GBE1: variants seen among roughly 807,000 people sequenced by gnomAD.
GBE1 encodes 1,4-alpha-glucan branching enzyme 1, also known as 1,4-alpha-glucan-branching enzyme.
GBE1 carries 70 observed loss-of-function variants against 88.8 expected under a neutral mutation model. The ratio of observed to expected loss-of-function variants is 0.79; its 90% CI spans 0.65 to 0.96. The LOEUF (loss-of-function observed/expected upper bound fraction) is 0.96. GBE1 is among the 40% of genes least tolerant of loss of function. The pLI is 0.00. For missense variants in GBE1, 872 were observed against 871.0 expected, an observed-to-expected ratio of 1.00 and a Z score of -0.01; for synonymous variants, 284 against 300.1, an observed-to-expected ratio of 0.95 and a Z score of 0.56.
Position 81,509,294 on chromosome 3 carries a change from C to CT in GBE1, c.1935-10068dup, listed in dbSNP as rs34753672. Among the ~76,000 whole-genome samples the CT allele has an allele frequency of 6.8e-3, 845 of 123,780 alleles. 1 individual carries two copies. Among genetic ancestry groups the CT allele is most frequent in the Middle Eastern group, 0.013 (3 of 238 alleles). The allele number at this position is 123,780 out of a possible 152,430, so 81.2% of individuals were successfully genotyped here. On this transcript the variant is annotated intron_variant, in intron 14 of 15. Transcript: ENST00000429644. The stretch of plus-strand genomic sequence containing the variant: ...TCTTTTTTTAAATTTTAGGGTTTGT[C>CT]TTTTTTTTTTTTTTTTTATAAAAAA...
At chr3:81,519,764 A>G (rs1702847978) in intron 14 of GBE1, among the ~76,000 whole-genome samples, 1 of 151,454 alleles carries the variant, frequency 6.6e-6, no homozygotes, top group Admixed American at 6.6e-5. Context: ...CTTCTTGTGG[A>G]AGATGGCAAA....
chr3:81,619,101 C>G (rs1386009784), intron 7 of GBE1, among the ~76,000 whole-genome samples: 3 of 152,050 alleles, frequency 2.0e-5, no homozygotes, highest in Non-Finnish European at 4.4e-5. Context: ...AACGGTATCT[C>G]TGGTAAAATC....
intron 3 of GBE1, 134 bp from the exon 4 acceptor site, chr3:81,650,055 A>T: frequency 1.7e-6 from 1 of 605,400 alleles, no homozygotes; most frequent in Non-Finnish European, 2.8e-6. Flanking sequence ...CAGATGTGTG[A>T]CCTTCAGGAA....
At chr3:81,602,054 A>C (rs1390685705) in intron 7 of GBE1, among the ~76,000 whole-genome samples, 2 of 152,198 alleles carry the variant, frequency 1.3e-5, no homozygotes, top group African/African-American at 2.4e-5. Context: ...TAAATATGGG[A>C]GTATGAGACT....
intron 2 of GBE1, among the ~76,000 whole-genome samples, chr3:81,679,516 T>C (rs1705308249): frequency 6.6e-6 from 1 of 152,200 alleles, no homozygotes; most frequent in African/African-American, 2.4e-5. Flanking sequence ...GCATCTAGAA[T>C]TGTATTAGTT....
At chr3:81,729,457 G>C (rs1706157666) in intron 1 of GBE1, among the ~76,000 whole-genome samples, 1 of 152,172 alleles carries the variant, frequency 6.6e-6, no homozygotes, top group African/African-American at 2.4e-5. Flanking sequence ...TGTACATGTG[G>C]TTTTCCACTT....
chr3:81,719,221 G>A (rs1319214306), intron 1 of GBE1, among the ~76,000 whole-genome samples: 1 of 151,890 alleles, frequency 6.6e-6, no homozygotes, highest in East Asian at 1.9e-4. Flanking sequence ...TTGTTCGTTT[G>A]GTTGGTTGGT....
At position 81,490,476 on chromosome 3, in the gene GBE1, A is replaced by T; in HGVS notation, c.2053-13T>A. 6.2e-7 allele frequency: 1 copy of T among 1,608,322 alleles called. No homozygotes were observed. Among genetic ancestry groups the T allele is most frequent in the Non-Finnish European group, 8.5e-7 (1 of 1,175,692 alleles). On this transcript the variant is annotated splice_polypyrimidine_tract_variant and intron_variant, in intron 15 of 15. Transcript: ENST00000429644. ...TTGGAATGTACACCTACGTCAAAAC[A>T]ATTATGTCAGTGCAATTGAAGAAAG...
At position 81,602,937 on chromosome 3, in the gene GBE1, T is replaced by C. The variant is rs181113869; in HGVS notation, c.993-8914A>G. Among the ~76,000 whole-genome samples the C allele has an allele frequency of 5.3e-3, 808 of 152,288 alleles. 4 individuals are homozygous for C. Among genetic ancestry groups the C allele is most frequent in the Non-Finnish European group, 8.2e-3 (555 of 68,020 alleles). On this transcript the variant is annotated intron_variant, in intron 7 of 15. Coordinates refer to ENST00000429644, the MANE Select transcript of GBE1 (RefSeq NM_000158.4). Reference sequence around the variant, plus strand: ...TCCTTCTGCACCAAATCTCATCTTTTCTTGGCTGACTCATGCCCCAATTCT... The same window carrying C: ...TCCTTCTGCACCAAATCTCATCTTTCCTTGGCTGACTCATGCCCCAATTCT...
intron 9 of GBE1, among the ~76,000 whole-genome samples, chr3:81,587,238 A>T (rs1389054): frequency 1 from 152,318 of 152,320 alleles, 76,158 homozygotes; most frequent in Middle Eastern, 1. Flanking sequence ...TTTCAAAGAT[A>T]GGTACAGGGA....
At chr3:81,664,898 G>A (rs1705089959) in intron 3 of GBE1, among the ~76,000 whole-genome samples, 1 of 152,030 alleles carries the variant, frequency 6.6e-6, no homozygotes, top group African/African-American at 2.4e-5. Context: ...TTTAATATAA[G>A]TATGCAAATG....
chr3:81,718,139 C>T (rs1705967905), intron 1 of GBE1, among the ~76,000 whole-genome samples: 2 of 151,950 alleles, frequency 1.3e-5, no homozygotes, highest in Non-Finnish European at 2.9e-5. Context: ...GCCACCACGC[C>T]TGGCCAATTT....
intron 7 of GBE1, among the ~76,000 whole-genome samples, chr3:81,605,536 T>TA (rs1704091790): frequency 6.6e-6 from 1 of 152,172 alleles, no homozygotes; most frequent in Non-Finnish European, 1.5e-5. Flanking sequence ...TGTTTGACAG[T>TA]AAAAAATGAA....
At position 81,546,549 on chromosome 3, in the gene GBE1, T is replaced by C. The variant is rs370111461; in HGVS notation, c.1619-9454A>G. 9.3e-5 allele frequency among the ~76,000 whole-genome samples: 14 copies of C among 151,250 alleles called. No homozygotes were observed. In the South Asian group the frequency reaches 1.5e-3, roughly 16 times the overall value. ...TAAAGACCTTGCTGATAAAACAGAT[T>C]GCAGTAAAGAAGCCAGCTAAAACCC... On this transcript the variant is annotated intron_variant, in intron 12 of 15. Coordinates refer to ENST00000429644, the MANE Select transcript of GBE1 (RefSeq NM_000158.4).
intron 14 of GBE1, among the ~76,000 whole-genome samples, chr3:81,531,243 G>T (rs1282697197): frequency 1.3e-5 from 2 of 151,928 alleles, no homozygotes; most frequent in Admixed American, 6.6e-5. Context: ...TTCTGGCTCA[G>T]GGAAGGTTGA....
intron 1 of GBE1, among the ~76,000 whole-genome samples, chr3:81,715,324 C>T (rs144936657): frequency 1.7e-3 from 262 of 152,230 alleles, no homozygotes; most frequent in Middle Eastern, 6.8e-3. Flanking sequence ...CAGTGGAGAC[C>T]GCCTGTTCCA....
At chr3:81,548,733 T>C (rs1237362940) in intron 12 of GBE1, among the ~76,000 whole-genome samples, 3 of 150,870 alleles carry the variant, frequency 2.0e-5, no homozygotes, top group Non-Finnish European at 4.4e-5. Flanking sequence ...TTGAATAACT[T>C]TGGAATAGAG....
At chr3:81,636,524 T>G (rs1704593646) in intron 7 of GBE1, among the ~76,000 whole-genome samples, 1 of 151,872 alleles carries the variant, frequency 6.6e-6, no homozygotes, top group Non-Finnish European at 1.5e-5. Flanking sequence ...ATCCATCATT[T>G]GTTTTTTGGC....
intron 2 of GBE1, among the ~76,000 whole-genome samples, chr3:81,672,454 A>G (rs1705201476): frequency 6.6e-6 from 1 of 152,054 alleles, no homozygotes; most frequent in South Asian, 2.1e-4. Context: ...GGATTATAGT[A>G]CCAACATATG....
Sources: allele counts gnomAD v4.1 joint callset (sites outside exome capture counted in the v4.1 genomes callset), GRCh38; gene constraint gnomAD v4.1.1; transcripts MANE v1.5; gene names NCBI Gene and HGNC (gene_info 2026-07-23, HGNC 2026-07-21).